CP: variants seen among roughly 807,000 people sequenced by gnomAD.
CP encodes the protein caeruloplasmin.
CP carries 64 observed loss-of-function variants against 122.4 expected under a neutral mutation model. The ratio of observed to expected loss-of-function variants is 0.52; its 90% CI spans 0.43 to 0.64. The LOEUF is 0.64. Ranked by LOEUF, CP falls within the 30% of genes least tolerant of loss-of-function variation. CP has a pLI of 0.00. For synonymous variants in CP, 440 were observed against 436.4 expected, an observed-to-expected ratio of 1.01 and a Z score of -0.10; for missense variants, 1,167 against 1,284.4, an observed-to-expected ratio of 0.91 and a Z score of 1.40.
chr3:149,184,432 C>T (rs1006425516), intron 12 of CP, among the ~76,000 whole-genome samples: 21 of 152,186 alleles, frequency 1.4e-4, no homozygotes, highest in African/African-American at 4.6e-4. Flanking sequence ...ACTATACTCA[C>T]TACTGCTGTC....
chr3:149,220,983 A>G lies in CP; in HGVS notation c.146+664T>C, dbSNP rs573095025. ...CAATAAGGGGATTTTCCAACTGAAA[A>G]ATGAAGACATTTAAGTTACATGGAG... On this transcript the variant is annotated intron_variant, in intron 1 of 18. Transcript: ENST00000264613. Among the ~76,000 whole-genome samples the G allele has an allele frequency of 2.6e-5, 4 of 152,330 alleles. No individual in the cohort carries two copies. The South Asian group carries it at 8.3e-4, about 32-fold the overall frequency.
Position 149,178,476 on chromosome 3 carries a change from A to G in CP, c.2817T>C (p.Ser939=), listed in dbSNP as rs1248487799. Reference sequence around the variant, plus strand: ...CTTTGTTTACTTTCTCGGGGTGATCAGAGTATGTTTTGATGTTGTCATCTA... The same window carrying G: ...CTTTGTTTACTTTCTCGGGGTGATCGGAGTATGTTTTGATGTTGTCATCTA... ...WYLDDNIKTY[S]DHPEKVNKDD... Residue 939 remains serine (S), a synonymous_variant, in exon 16 of 19, where the codon TCT becomes TCC. Transcript: ENST00000264613. The G allele has an allele frequency of 1.9e-6, 3 of 1,613,566 alleles. No homozygotes were observed. Among genetic ancestry groups the G allele is most frequent in the African/African-American group, 1.3e-5 (1 of 74,888 alleles).
intron 12 of CP, among the ~76,000 whole-genome samples, chr3:149,184,031 T>TC (rs1725979243): frequency 8.5e-6 from 1 of 117,600 alleles, no homozygotes; most frequent in Non-Finnish European, 1.8e-5. Context: ...CTTACTTCTT[T>TC]TTTTTTTTTT....
rs1417696233 is a variant in CP, at chr3:149,172,632, A to C, written c.*1082T>G. The C allele has an allele frequency of 6.4e-6, 1 of 155,830 alleles. No individual in the cohort carries two copies. Among genetic ancestry groups the C allele is most frequent in the Non-Finnish European group, 1.4e-5 (1 of 70,188 alleles). The allele number at this position is 155,830 out of a possible 1,614,324, so 9.7% of individuals were successfully genotyped here. A position where few individuals can be genotyped will look rare whatever the true frequency, so the allele number is the denominator to read the frequency against. Reference sequence around the variant, plus strand: ...CAAGTATGCTTGAAAGAATGTCACTAACTGGTCCAGAATTTTATCTTCTTG... The same window carrying C: ...CAAGTATGCTTGAAAGAATGTCACTCACTGGTCCAGAATTTTATCTTCTTG... On this transcript the variant is annotated 3_prime_UTR_variant, in exon 19 of 19. Transcript: ENST00000264613.
chr3:149,167,125 A>C, intron 4 of CP: 1 of 1,613,840 alleles, frequency 6.2e-7, no homozygotes, highest in Non-Finnish European at 8.5e-7. Context: ...CTCAGTGTCC[A>C]TGTTCTGTGT....
At chr3:149,212,386 T>A in intron 2 of CP, 65 bp downstream of exon 2, 2 of 1,584,812 alleles carry the variant, frequency 1.3e-6, no homozygotes, top group Non-Finnish European at 1.7e-6. Context: ...TCCACAATTT[T>A]AGAAGCTAAA....
At position 149,200,584 on chromosome 3, in the gene CP, C is replaced by A. The variant is rs558533748; in HGVS notation, c.1349-720G>T. 2.4e-4 allele frequency among the ~76,000 whole-genome samples: 37 copies of A among 151,994 alleles called. 1 individual carries two copies. The South Asian group carries it at 4.6e-3, about 19-fold the overall frequency. On this transcript the variant is annotated intron_variant, in intron 7 of 18. Coordinates refer to ENST00000264613, the MANE Select transcript of CP (RefSeq NM_000096.4). ...GTGGCATGATCTTGGCTAACTGCAACCTCTGCCTCCCAGGTTCAAGTGATT... is the reference window on the plus strand; with the variant it reads ...GTGGCATGATCTTGGCTAACTGCAAACTCTGCCTCCCAGGTTCAAGTGATT...
At chr3:149,201,033 G>C in intron 7 of CP, among the ~76,000 whole-genome samples, 1 of 152,192 alleles carries the variant, frequency 6.6e-6, no homozygotes, top group East Asian at 1.9e-4. Flanking sequence ...GGCGAGAACA[G>C]GTCTCTGGAC....
intron 5 of CP, 61 bp from the exon 6 acceptor site, chr3:149,206,400 C>T: frequency 6.3e-7 from 1 of 1,577,590 alleles, no homozygotes. Flanking sequence ...TCCTATTGCC[C>T]TGTAAACACT....
chr3:149,210,138 A>G lies in CP; in HGVS notation c.607+29T>C, dbSNP rs17847019. 210 of 1,606,396 alleles carry G rather than the reference A, an allele frequency of 1.3e-4. 3 individuals carry two copies. In the East Asian group the frequency reaches 4.6e-3, roughly 35 times the overall value. On this transcript the variant is annotated intron_variant, in intron 3 of 18. Coordinates refer to ENST00000264613, the MANE Select transcript of CP (RefSeq NM_000096.4). Reference sequence around the variant, plus strand: ...TGCCCTGCCCCTGTCTTTTGGTCATATAGCATGTGCAATAAGGAGAAGATG... The same window carrying G: ...TGCCCTGCCCCTGTCTTTTGGTCATGTAGCATGTGCAATAAGGAGAAGATG...
chr3:149,173,364 T>C lies in CP; in HGVS notation c.*350A>G, dbSNP rs1164000145. ...AAGGCAATGATTGAAAACATTTCAA[T>C]GAACCTTAATAGTGTTCCTTTGAGG... On this transcript the variant is annotated 3_prime_UTR_variant, in exon 19 of 19. Transcript: ENST00000264613. The C allele has an allele frequency of 5.9e-6, 1 of 169,768 alleles. No individual in the cohort carries two copies. The highest frequency in any genetic ancestry group is 2.4e-5 in the African/African-American group (1 of 42,128). The allele number at this position is 169,768 out of a possible 1,614,324, so 10.5% of individuals were successfully genotyped here. A position where few individuals can be genotyped will look rare whatever the true frequency, so the allele number is the denominator to read the frequency against.
intron 12 of CP, among the ~76,000 whole-genome samples, chr3:149,184,425 A>G (rs1237059315): frequency 2.0e-5 from 3 of 152,156 alleles, no homozygotes; most frequent in Non-Finnish European, 4.4e-5. Context: ...ACTGCAAACT[A>G]TACTCACTAC....
At chr3:149,218,900 T>G (rs902302752) in intron 1 of CP, among the ~76,000 whole-genome samples, 2 of 152,164 alleles carry the variant, frequency 1.3e-5, no homozygotes, top group African/African-American at 4.8e-5. Flanking sequence ...CATATTACAC[T>G]CTTTCACATC....
chr3:149,183,581 C>T lies in CP; in HGVS notation c.2310G>A (p.Lys770=), dbSNP rs553883583. 6.6e-5 allele frequency: 106 copies of T among 1,599,874 alleles called. 3 individuals carry two copies. Among genetic ancestry groups the T allele is most frequent in the South Asian group, 6.0e-4 (54 of 90,108 alleles). The change falls in exon 13 of 19, where the codon AAG becomes AAA. Residue 770 remains lysine (K), a synonymous_variant. Coordinates refer to ENST00000264613, the MANE Select transcript of CP (RefSeq NM_000096.4). ...EQNVSNAFLD[K]GEFYIGSKYK... Reference sequence around the variant, plus strand: ...ACTTTGAGCCTATGTAAAACTCTCCCTTATCTAAAAATGCATTTGAAACAC... The same window carrying T: ...ACTTTGAGCCTATGTAAAACTCTCCTTTATCTAAAAATGCATTTGAAACAC...
Position 149,173,577 on chromosome 3 carries a change from G to A in CP, c.*137C>T, listed in dbSNP as rs34228141. On this transcript the variant is annotated 3_prime_UTR_variant, in exon 19 of 19. Coordinates refer to ENST00000264613, the MANE Select transcript of CP (RefSeq NM_000096.4). ...AAATTAATAGTTTTCCCCCACAAAT[G>A]TACAAAGTTGTATGCTTCCAGTCTT... The A allele has an allele frequency of 0.026, 16,053 of 613,554 alleles. 300 individuals are homozygous for A. The highest frequency in any genetic ancestry group is 0.045 in the Middle Eastern group (97 of 2,162). 38.0% of individuals were successfully genotyped at this position (613,554 alleles called of 1,614,324 possible).
rs1263674373 is a variant in CP, at chr3:149,210,208, A to G, written c.566T>C (p.Ile189Thr). 22 of 1,614,016 alleles carry G rather than the reference A, an allele frequency of 1.4e-5. No individual in the cohort carries two copies. Among genetic ancestry groups the G allele is most frequent in the Admixed American group, 5.0e-5 (3 of 59,998 alleles). ...YHSHIDAPKD[I>T]ASGLIGPLII... ...TAAAGGTCCGATGAGTCCTGAGGCA[A>G]TATCTTTTGGAGCATCAATGTGGGA... Residue 189 changes from isoleucine to threonine, a missense_variant, in exon 3 of 19, where the codon ATT becomes ACT. This residue lies in a region of CP where 642 missense variants were observed against 627.3 expected (regional missense o/e 1.02). Transcript: ENST00000264613.
chr3:149,182,181 G>A (rs1474873924), intron 13 of CP, 48 bp from the exon 14 acceptor site: 1 of 1,607,920 alleles, frequency 6.2e-7, no homozygotes, highest in African/African-American at 1.3e-5. Context: ...GTCTAACTTA[G>A]TAATAAAAGC....
At chr3:149,192,856 A>G (rs1726632406) in intron 9 of CP, among the ~76,000 whole-genome samples, 1 of 152,118 alleles carries the variant, frequency 6.6e-6, no homozygotes, top group South Asian at 2.1e-4. Flanking sequence ...TGCCGTTTGT[A>G]AAAATTTAAA....
rs1262242527 is a variant in CP at position 149,178,753 on chromosome 3, C to T, written c.2662-122G>A. 7.0e-6 allele frequency: 5 copies of T among 711,218 alleles called. No homozygotes were observed. In the African/African-American group the frequency reaches 8.9e-5, roughly 13 times the overall value. The allele number at this position is 711,218 out of a possible 1,614,324, so 44.1% of individuals were successfully genotyped here. On this transcript the variant is annotated intron_variant, in intron 15 of 18. Coordinates refer to ENST00000264613, the MANE Select transcript of CP (RefSeq NM_000096.4). Reference sequence around the variant, plus strand: ...ACCAATTGAAGTAACAGACTTTGCCCAATGTGGTACTGCCAATTTAGTAAC... The same window carrying T: ...ACCAATTGAAGTAACAGACTTTGCCTAATGTGGTACTGCCAATTTAGTAAC...
Sources: allele counts gnomAD v4.1 joint callset (sites outside exome capture counted in the v4.1 genomes callset), GRCh38; gene constraint gnomAD v4.1.1; regional missense constraint gnomAD v4.1.1; transcripts MANE v1.5; gene names NCBI Gene and HGNC (gene_info 2026-07-23, HGNC 2026-07-21).